Variants in AKR1C4 observed in about 807,000 individuals in gnomAD.
The protein encoded by AKR1C4 is aldo-keto reductase family 1 member C4, also known as 3-alpha-HSD1.
AKR1C4 carries 44 observed loss-of-function variants against 41.0 expected under a neutral mutation model. That is an observed-to-expected ratio of 1.07 (90% CI 0.84 to 1.38). The LOEUF (loss-of-function observed/expected upper bound fraction) is 1.38. Ranked by LOEUF, AKR1C4 falls within the 40% of genes most tolerant of loss-of-function variation. The pLI is 0.00. For synonymous variants in AKR1C4, 165 were observed against 137.7 expected, an observed-to-expected ratio of 1.20 and a Z score of -1.39; for missense variants, 438 against 387.9, an observed-to-expected ratio of 1.13 and a Z score of -1.09.
chr10:5,218,614 C>A, intron 8 of AKR1C4, 104 bp from the exon 9 acceptor site: 1 of 814,362 alleles, frequency 1.2e-6, no homozygotes, highest in Non-Finnish European at 2.0e-6. Flanking sequence ...AAATAAACTT[C>A]TTAACATTCA....
intron 5 of AKR1C4, among the ~76,000 whole-genome samples, chr10:5,209,352 G>A (rs543015010): frequency 1.3e-5 from 2 of 152,206 alleles, no homozygotes; most frequent in African/African-American, 2.4e-5. Context: ...GGGCTTTAAA[G>A]TAATTACTTT....
At chr10:5,208,530 T>A (rs988599310) in intron 5 of AKR1C4, among the ~76,000 whole-genome samples, 1 of 151,566 alleles carries the variant, frequency 6.6e-6, no homozygotes, top group East Asian at 1.9e-4. Flanking sequence ...TATGAGTATA[T>A]CTGCATCAAT....
intron 3 of AKR1C4, 138 bp from the exon 4 acceptor site, chr10:5,205,619 A>C (rs1554797387): frequency 1.7e-6 from 1 of 571,662 alleles, no homozygotes; most frequent in African/African-American, 1.9e-5. Context: ...TCTGTACGTG[A>C]AACACTTGGC....
At chr10:5,200,485 A>G in intron 2 of AKR1C4, 137 bp downstream of exon 2, 2 of 1,391,336 alleles carry the variant, frequency 1.4e-6, no homozygotes, top group East Asian at 2.5e-5. Flanking sequence ...TTCAGGTATT[A>G]AAGCTAAAAT....
chr10:5,212,601 C>G lies in AKR1C4; in HGVS notation c.571-15C>G. The G allele has an allele frequency of 6.3e-7, 1 of 1,598,156 alleles. No homozygotes were observed. Among genetic ancestry groups the G allele is most frequent in the Non-Finnish European group, 8.5e-7 (1 of 1,171,784 alleles). On this transcript the variant is annotated splice_polypyrimidine_tract_variant and intron_variant, in intron 5 of 8. Transcript: ENST00000263126. ...TTTGAATTATCTGATGCTTTTCTCT[C>G]TTGATCATCTAAAGGTAGAATGTCA...
At chr10:5,204,581 G>T in intron 3 of AKR1C4, 88 bp downstream of exon 3, 1 of 1,056,716 alleles carries the variant, frequency 9.5e-7, no homozygotes, top group South Asian at 1.3e-5. Flanking sequence ...TAAGGAGGGT[G>T]TAGGTGTTAT....
At chr10:5,200,090 T>C in intron 1 of AKR1C4, 91 bp from the exon 2 acceptor site, 2 of 1,519,880 alleles carry the variant, frequency 1.3e-6, no homozygotes, top group Admixed American at 3.9e-5. Context: ...ACACCCCCAC[T>C]GCACACCCTG....
intron 1 of AKR1C4, 75 bp downstream of exon 1, chr10:5,197,026 C>A: frequency 6.8e-7 from 1 of 1,460,258 alleles, no homozygotes; most frequent in South Asian, 1.1e-5. Context: ...CTGGGTTGTT[C>A]AGCTTTGTGT....
At chr10:5,202,876 C>T (rs1832421117) in intron 2 of AKR1C4, among the ~76,000 whole-genome samples, 1 of 150,424 alleles carries the variant, frequency 6.6e-6, no homozygotes, top group Non-Finnish European at 1.5e-5. Flanking sequence ...ATTTGGTTAG[C>T]TAGTATTTTC....
In AKR1C4 at chr10:5,206,337, C is replaced by T. The variant is rs143424974; in HGVS notation, c.510C>T (p.Cys170=). ...CCATCGGGGTGTCAAACTTCAACTG[C>T]AGGCAGCTGGAGATGATCCTCAACA... ...AKSIGVSNFN[C]RQLEMILNKP... is the part of the protein sequence containing the mutation. Residue 170 remains cysteine (C), a synonymous_variant, in exon 5 of 9, where the codon TGC becomes TGT. Coordinates refer to ENST00000263126, the MANE Select transcript of AKR1C4 (RefSeq NM_001818.5). 2.5e-6 allele frequency: 4 copies of T among 1,614,066 alleles called. No homozygotes were observed. Among genetic ancestry groups the T allele is most frequent in the Non-Finnish European group, 3.4e-6 (4 of 1,179,990 alleles).
chr10:5,198,136 T>C (rs1166086923), intron 1 of AKR1C4, among the ~76,000 whole-genome samples: 1 of 151,978 alleles, frequency 6.6e-6, no homozygotes, highest in South Asian at 2.1e-4. Context: ...TCTAAAAGAG[T>C]TGGTCTTATT....
At chr10:5,212,595 T>C in intron 5 of AKR1C4, 21 bp from the exon 6 acceptor site, 1 of 1,588,692 alleles carries the variant, frequency 6.3e-7, no homozygotes, top group Non-Finnish European at 8.6e-7. Flanking sequence ...TCTGATGCTT[T>C]TCTCTCTTGA....
intron 1 of AKR1C4, among the ~76,000 whole-genome samples, chr10:5,197,251 T>C (rs1832325560): frequency 6.6e-6 from 1 of 152,262 alleles, no homozygotes; most frequent in Non-Finnish European, 1.5e-5. Context: ...GAACACTGCC[T>C]GGCAGTTCCC....
At chr10:5,213,912 A>G (rs1832614298) in intron 7 of AKR1C4, among the ~76,000 whole-genome samples, 1 of 152,140 alleles carries the variant, frequency 6.6e-6, no homozygotes, top group Non-Finnish European at 1.5e-5. Context: ...GGTGGTTTTA[A>G]TAAGCAAAAG....
chr10:5,213,471 C>A (rs1449465098), intron 7 of AKR1C4, among the ~76,000 whole-genome samples: 5 of 152,112 alleles, frequency 3.3e-5, no homozygotes, highest in Admixed American at 2.6e-4. Context: ...GTTCTCTAAT[C>A]TTCAAAAATC....
chr10:5,196,954 A>C lies in AKR1C4; in HGVS notation c.84+3A>C. ...TTGGCACCTATGCACCTCCAGAGGT[A>C]ATAATCACATTTTCAGCATTGAGCA... On this transcript the variant is annotated splice_donor_region_variant and intron_variant, in intron 1 of 8. Transcript: ENST00000263126. 6.2e-7 allele frequency: 1 copy of C among 1,613,222 alleles called. No homozygotes were observed. The highest frequency in any genetic ancestry group is 2.2e-5 in the East Asian group (1 of 44,884).
chr10:5,216,669 A>G, intron 7 of AKR1C4, 42 bp from the exon 8 acceptor site: 1 of 1,478,836 alleles, frequency 6.8e-7, no homozygotes, highest in Non-Finnish European at 9.4e-7. Flanking sequence ...CAAGTTGACA[A>G]TTATGCAATC....
chr10:5,206,260 C>A lies in AKR1C4; in HGVS notation c.448-15C>A, dbSNP rs201190050. 1.2e-6 allele frequency: 2 copies of A among 1,613,844 alleles called. No individual in the cohort carries two copies. The highest frequency in any genetic ancestry group is 1.1e-5 in the South Asian group (1 of 91,062). On this transcript the variant is annotated splice_polypyrimidine_tract_variant and intron_variant, in intron 4 of 8. Coordinates refer to ENST00000263126, the MANE Select transcript of AKR1C4 (RefSeq NM_001818.5). ...CAACTGCACAAATAATTCCTCACAA[C>A]CCCTTTCTCCCCAGGTCATGGAGAA...
intron 5 of AKR1C4, among the ~76,000 whole-genome samples, chr10:5,206,889 G>GA (rs1832497952): frequency 6.6e-6 from 1 of 152,132 alleles, no homozygotes; most frequent in African/African-American, 2.4e-5. Context: ...TGTTTTCATA[G>GA]TTCTTGAGCA....
Sources: allele counts gnomAD v4.1 joint callset (sites outside exome capture counted in the v4.1 genomes callset), GRCh38; gene constraint gnomAD v4.1.1; transcripts MANE v1.5; gene names NCBI Gene and HGNC (gene_info 2026-07-23, HGNC 2026-07-21).